Variants in F13A1 observed in about 807,000 individuals in gnomAD.
F13A1 encodes coagulation factor XIII A chain, also known as FSF, A subunit.
F13A1 carries 47 observed loss-of-function variants against 80.1 expected under a neutral mutation model. The observed-to-expected ratio is 0.59, with a 90% CI of 0.46 to 0.75. The LOEUF (loss-of-function observed/expected upper bound fraction) is 0.75. Among genes scored for constraint, F13A1 ranks in the 30% least tolerant of loss-of-function variants. The pLI is 0.00. For synonymous variants in F13A1, 349 were observed against 344.9 expected (o/e 1.01, Z -0.13); for missense variants, 817 against 930.4 (o/e 0.88, Z 1.59).
chr6:6,200,887 C>T (rs928699507), intron 8 of F13A1, among the ~76,000 whole-genome samples: 3 of 152,144 alleles, frequency 2.0e-5, no homozygotes, highest in African/African-American at 7.2e-5. Context: ...ACCTGAGAGC[C>T]TCCATCTTTG....
intron 3 of F13A1, among the ~76,000 whole-genome samples, chr6:6,285,727 G>A (rs1016111339): frequency 3.3e-5 from 5 of 152,218 alleles, no homozygotes; most frequent in Non-Finnish European, 5.9e-5. Flanking sequence ...ATCAGGTGAC[G>A]GTCATTGTTA....
chr6:6,289,656 A>G (rs774849757), intron 3 of F13A1, among the ~76,000 whole-genome samples: 1 of 152,044 alleles, frequency 6.6e-6, no homozygotes, highest in Admixed American at 6.5e-5. Context: ...CTTCTGCTAT[A>G]GTAATCTAAA....
At chr6:6,172,447 T>C (rs387528) in intron 12 of F13A1, among the ~76,000 whole-genome samples, 98,324 of 150,182 alleles carry the variant, frequency 0.65, 33,188 homozygotes, top group African/African-American at 0.82. Context: ...GAAAACACTA[T>C]AGTGTTTTTT....
chr6:6,311,049 T>A (rs75977672), intron 2 of F13A1, among the ~76,000 whole-genome samples: 22,929 of 151,004 alleles, frequency 0.15, 2,120 homozygotes, highest in Non-Finnish European at 0.21. Context: ...TTTTTTTTTT[T>A]AAAAAAAAGT....
At chr6:6,147,174 G>C (rs895334121) in intron 14 of F13A1, among the ~76,000 whole-genome samples, 1 of 152,166 alleles carries the variant, frequency 6.6e-6, no homozygotes, top group South Asian at 2.1e-4. Context: ...AGGTGGGAGG[G>C]ATAAAAGACT....
At chr6:6,187,146 G>T (rs1039530472) in intron 10 of F13A1, among the ~76,000 whole-genome samples, 4 of 124,664 alleles carry the variant, frequency 3.2e-5, no homozygotes, top group Non-Finnish European at 6.8e-5. Flanking sequence ...GGGTTTTCTA[G>T]ATATACAATC....
chr6:6,205,819 CA>C (rs1354075043), intron 8 of F13A1, among the ~76,000 whole-genome samples: 1 of 151,272 alleles, frequency 6.6e-6, no homozygotes, highest in Non-Finnish European at 1.5e-5. Flanking sequence ...ACGAAAACAA[CA>C]AAAATTAAAA....
intron 1 of F13A1, 92 bp from the exon 2 acceptor site, chr6:6,318,774 A>T (rs982097360): frequency 2.2e-6 from 3 of 1,385,492 alleles, no homozygotes; most frequent in African/African-American, 1.4e-5. Context: ...AAACAGATAT[A>T]TCTGTGTGTG....
chr6:6,209,324 A>T (rs201592316), intron 8 of F13A1, among the ~76,000 whole-genome samples: 205 of 68,016 alleles, frequency 3.0e-3, no homozygotes, highest in African/African-American at 0.014. Flanking sequence ...AATAATAATT[A>T]AAAAAAAAAA....
chr6:6,239,281 C>T (rs1200223853), intron 6 of F13A1, among the ~76,000 whole-genome samples: 6 of 152,018 alleles, frequency 3.9e-5, no homozygotes, highest in Non-Finnish European at 4.4e-5. Flanking sequence ...ACAAATGTAA[C>T]CCATTGCAAG....
chr6:6,277,716 G>A (rs551786406), intron 3 of F13A1, among the ~76,000 whole-genome samples: 85 of 152,330 alleles, frequency 5.6e-4, no homozygotes, highest in Middle Eastern at 3.4e-3. Context: ...ACACTACAAT[G>A]CATTCCTGTC....
chr6:6,313,580 A>G (rs778962942), intron 2 of F13A1, among the ~76,000 whole-genome samples: 1 of 152,200 alleles, frequency 6.6e-6, no homozygotes, highest in African/African-American at 2.4e-5. Context: ...GTTTAGGTTT[A>G]TATACTAGGA....
intron 8 of F13A1, among the ~76,000 whole-genome samples, chr6:6,203,946 G>A (rs1761442693): frequency 6.6e-6 from 1 of 152,084 alleles, no homozygotes; most frequent in South Asian, 2.1e-4. Flanking sequence ...AAACACTGAG[G>A]ACTATTTATT....
At chr6:6,206,739 A>T (rs540447528) in intron 8 of F13A1, 1 of 364,060 alleles carries the variant, frequency 2.7e-6, no homozygotes, top group African/African-American at 2.1e-5. Context: ...CTTTCTACAT[A>T]CATAATTTTC....
At chr6:6,211,638 A>C (rs1323162289) in intron 8 of F13A1, among the ~76,000 whole-genome samples, 1 of 152,246 alleles carries the variant, frequency 6.6e-6, no homozygotes, top group African/African-American at 2.4e-5. Flanking sequence ...CAGCATCTAA[A>C]ATAATGTATA....
intron 6 of F13A1, among the ~76,000 whole-genome samples, chr6:6,235,222 G>C (rs1397095201): frequency 6.6e-6 from 1 of 151,936 alleles, no homozygotes; most frequent in African/African-American, 2.4e-5. Flanking sequence ...GTGATCTTAG[G>C]TTAGGCAGTT....
At chr6:6,268,949 C>T (rs1757882443) in intron 3 of F13A1, among the ~76,000 whole-genome samples, 1 of 152,014 alleles carries the variant, frequency 6.6e-6, no homozygotes, top group African/African-American at 2.4e-5. Flanking sequence ...CCTCAGCCTC[C>T]CAAAGTACTG....
intron 12 of F13A1, among the ~76,000 whole-genome samples, chr6:6,171,001 G>A (rs990990513): frequency 6.6e-6 from 1 of 152,120 alleles, no homozygotes; most frequent in Non-Finnish European, 1.5e-5. Flanking sequence ...CTCAGGCATA[G>A]GTTTGGTCAG....
At chr6:6,203,749 T>C (rs1761439435) in intron 8 of F13A1, among the ~76,000 whole-genome samples, 1 of 151,480 alleles carries the variant, frequency 6.6e-6, no homozygotes. Flanking sequence ...TGTTACGTTG[T>C]GGTACTTTGG....
Sources: gnomAD v4.1 joint callset for allele counts (sites outside exome capture counted in the v4.1 genomes callset) on GRCh38, gnomAD v4.1.1 for gene constraint, MANE v1.5 for transcripts, NCBI Gene and HGNC (gene_info 2026-07-23, HGNC 2026-07-21) for gene names.